SLC45A4: variants seen among roughly 807,000 people sequenced by gnomAD.
SLC45A4 encodes solute carrier family 45 member 4.
In SLC45A4, 32 loss-of-function variants were observed where a neutral mutation model predicts 63.7. The ratio of observed to expected loss-of-function variants is 0.50; its 90% CI spans 0.38 to 0.67. SLC45A4 has a LOEUF of 0.67. Among genes scored for constraint, SLC45A4 ranks in the 30% least tolerant of loss-of-function variants. The pLI, the probability that SLC45A4 is intolerant of heterozygous loss-of-function variation, is 0.00. For synonymous variants in SLC45A4, 535 were observed against 510.0 expected (o/e 1.05, Z -0.66); for missense variants, 1,027 against 1,157.7 (o/e 0.89, Z 1.64).
chr8:141,298,444 T>C (rs1830637175), intron 1 of SLC45A4, among the ~76,000 whole-genome samples: 2 of 152,138 alleles, frequency 1.3e-5, no homozygotes, highest in African/African-American at 4.8e-5. Context: ...CTGGGGACCA[T>C]CTCCAGAATG....
At chr8:141,303,550 G>T (rs1830813470) in intron 1 of SLC45A4, among the ~76,000 whole-genome samples, 2 of 152,024 alleles carry the variant, frequency 1.3e-5, no homozygotes, top group Non-Finnish European at 2.9e-5. Flanking sequence ...TATTCTAAGG[G>T]TTTGCTATGC....
chr8:141,266,883 G>A (rs554942420), intron 1 of SLC45A4, among the ~76,000 whole-genome samples: 3 of 152,298 alleles, frequency 2.0e-5, no homozygotes, highest in African/African-American at 4.8e-5. Context: ...ACAAATGTCC[G>A]CCATCACTCT....
chr8:141,224,121 A>C (rs1826833507), intron 2 of SLC45A4, among the ~76,000 whole-genome samples: 1 of 150,948 alleles, frequency 6.6e-6, no homozygotes, highest in African/African-American at 2.4e-5. Flanking sequence ...TGCTGCACAC[A>C]GAATTCTGGG....
rs188009496 is a variant in SLC45A4 at position 141,208,280 on chromosome 8, A to C, written c.*3292T>G. The C allele has an allele frequency of 6.6e-5, 10 of 152,334 alleles. No homozygotes were observed. The highest frequency in any genetic ancestry group is 6.5e-4 in the Admixed American group (10 of 15,298). 9.4% of individuals were successfully genotyped at this position (152,334 alleles called of 1,614,324 possible). On this transcript the variant is annotated 3_prime_UTR_variant, in exon 9 of 9. Coordinates refer to ENST00000517878, the MANE Select transcript of SLC45A4 (RefSeq NM_001286646.2). The stretch of plus-strand genomic sequence containing the variant: ...TAAGGGAACAGTTGGTATCTTTAAG[A>C]GTATTTTTCAAACATGTCACCCGAA...
rs192312277 is a variant in SLC45A4, at chr8:141,244,259, C to A, written c.241+9730G>T. 2.0e-3 allele frequency among the ~76,000 whole-genome samples: 302 copies of A among 152,314 alleles called. 3 individuals are homozygous for A. The highest frequency in any genetic ancestry group is 5.6e-3 in the African/African-American group (233 of 41,580). ...GAGGTTCCCCTGTGCCTCCTCCAAGCGAGCAGCTCCAGATGGAGTCCAGCC... is the reference window on the plus strand; with the variant it reads ...GAGGTTCCCCTGTGCCTCCTCCAAGAGAGCAGCTCCAGATGGAGTCCAGCC... On this transcript the variant is annotated intron_variant, in intron 2 of 8. Coordinates refer to ENST00000517878, the MANE Select transcript of SLC45A4 (RefSeq NM_001286646.2).
Position 141,278,760 on chromosome 8 carries a change from C to T in SLC45A4, c.-400-24131G>A, listed in dbSNP as rs1228601632. Among the ~76,000 whole-genome samples the T allele has an allele frequency of 1.3e-5, 2 of 152,270 alleles. No homozygotes were observed. The highest frequency in any genetic ancestry group is 4.8e-5 in the African/African-American group (2 of 41,480). On this transcript the variant is annotated intron_variant, in intron 1 of 8. Transcript: ENST00000517878. This position sits in a 1 kb window ranked among gnomAD's most constrained non-coding sequence, Gnocchi z 4.1. ...GCTCCTTGCTAACGTCTCAACAAGGCACAGACGCACCCGCAAGGGAGTGGG... is the reference window on the plus strand; with the variant it reads ...GCTCCTTGCTAACGTCTCAACAAGGTACAGACGCACCCGCAAGGGAGTGGG...
rs56366558 is a variant in SLC45A4 at position 141,239,574 on chromosome 8, G to GCA, written c.241+14413_241+14414dup. On this transcript the variant is annotated intron_variant, in intron 2 of 8. Coordinates refer to ENST00000517878, the MANE Select transcript of SLC45A4 (RefSeq NM_001286646.2). ...TACTCCAGGAGGGTGCAGGAGCAAA[G>GCA]CACACACACACACACACACACACAC... Among the ~76,000 whole-genome samples the GCA allele has an allele frequency of 8.3e-3, 1,197 of 144,462 alleles. 13 individuals are homozygous for GCA. Among genetic ancestry groups the GCA allele is most frequent in the African/African-American group, 0.026 (991 of 38,046 alleles). The allele number at this position is 144,462 out of a possible 152,430, so 94.8% of individuals were successfully genotyped here.
intron 2 of SLC45A4, among the ~76,000 whole-genome samples, chr8:141,235,026 G>C (rs1019624567): frequency 6.6e-6 from 1 of 152,220 alleles, no homozygotes; most frequent in Non-Finnish European, 1.5e-5. Flanking sequence ...TCTGCAAACC[G>C]AAACTGACTC....
chr8:141,262,759 G>T (rs1232881035), intron 1 of SLC45A4, among the ~76,000 whole-genome samples: 2 of 151,790 alleles, frequency 1.3e-5, no homozygotes, highest in Non-Finnish European at 2.9e-5. Flanking sequence ...CTTTTACACT[G>T]TTGGTGGGAC....
At position 141,229,094 on chromosome 8, in the gene SLC45A4, T is replaced by TC. The variant is rs1349629761; in HGVS notation, c.242-7330dup. ...TGCCTCTGCCTGAAGTACTTTACCT[T>TC]CCCCCCTTACCTGACATTCAATAAC... On this transcript the variant is annotated intron_variant, in intron 2 of 8. Coordinates refer to ENST00000517878, the MANE Select transcript of SLC45A4 (RefSeq NM_001286646.2). This position sits in a 1 kb window ranked among gnomAD's most constrained non-coding sequence, Gnocchi z 5.0. Among the ~76,000 whole-genome samples, 1 of 151,814 alleles carries TC rather than the reference T, an allele frequency of 6.6e-6. No homozygotes were observed. Among genetic ancestry groups the TC allele is most frequent in the Non-Finnish European group, 1.5e-5 (1 of 67,938 alleles).
chr8:141,207,949 A>G lies in SLC45A4; in HGVS notation c.*3623T>C, dbSNP rs1324662068. 6.6e-6 allele frequency: 1 copy of G among 152,368 alleles called. No individual in the cohort carries two copies. Among genetic ancestry groups the G allele is most frequent in the Non-Finnish European group, 1.5e-5 (1 of 68,118 alleles). 9.4% of individuals were successfully genotyped at this position (152,368 alleles called of 1,614,324 possible). ...AACCCCCCCAGGAGCTCTCGGAAGC[A>G]GGGGTCCCTCACGACAGGCCTGTGG... On this transcript the variant is annotated 3_prime_UTR_variant, in exon 9 of 9. Transcript: ENST00000517878.
At chr8:141,280,900 C>T (rs971793438) in intron 1 of SLC45A4, among the ~76,000 whole-genome samples, 12 of 152,228 alleles carry the variant, frequency 7.9e-5, no homozygotes, top group South Asian at 2.1e-4. Context: ...AAAAGGGCCT[C>T]GTGAGGTCTC....
In SLC45A4 at chr8:141,229,751, C is replaced by T. The variant is rs1051462729; in HGVS notation, c.242-7986G>A. Among the ~76,000 whole-genome samples, 2 of 152,178 alleles carry T rather than the reference C, an allele frequency of 1.3e-5. No homozygotes were observed. The highest frequency in any genetic ancestry group is 1.3e-4 in the Admixed American group (2 of 15,284). On this transcript the variant is annotated intron_variant, in intron 2 of 8. Transcript: ENST00000517878. This position sits in a 1 kb window ranked among gnomAD's most constrained non-coding sequence, Gnocchi z 5.0. ...CACCTCCCTCACAGCCAAAGCCTGG[C>T]CAACAGCAGGGGCCACAAGGCCTCC...
In SLC45A4 at chr8:141,237,776, G is replaced by A. The variant is rs142654511; in HGVS notation, c.242-16011C>T. On this transcript the variant is annotated intron_variant, in intron 2 of 8. Transcript: ENST00000517878. ...CACCGAACTGGGAGCGCCAGGTCAC[G>A]TGCTCGTATCTCCAAGTGAGCTGGA... 1.8e-3 allele frequency among the ~76,000 whole-genome samples: 280 copies of A among 152,256 alleles called. 4 individuals carry two copies. Among genetic ancestry groups the A allele is most frequent in the Non-Finnish European group, 3.2e-3 (217 of 68,030 alleles).
rs996494582 is a variant in SLC45A4 at position 141,254,205 on chromosome 8, C to G, written c.25G>C (p.Asp9His). MKMAPQNA[D>H]PESMQVQELS... ...TCTTGAACTTGCATAGATTCCGGGTCGGCATTCTGCGGAGCCATTTTCATT... is the reference window on the plus strand; with the variant it reads ...TCTTGAACTTGCATAGATTCCGGGTGGGCATTCTGCGGAGCCATTTTCATT... Residue 9 changes from aspartate (D) to histidine (H), a missense_variant, in exon 2 of 9, where the codon GAC (aspartate) becomes CAC (histidine). Physicochemically the swap from Asp to His is moderately conservative, Grantham distance 81. Coordinates refer to ENST00000517878, the MANE Select transcript of SLC45A4 (RefSeq NM_001286646.2). This position sits in a 1 kb window ranked among gnomAD's most constrained non-coding sequence, Gnocchi z 4.5. 5 of 1,534,446 alleles carry G rather than the reference C, an allele frequency of 3.3e-6. No individual in the cohort carries two copies. The highest frequency in any genetic ancestry group is 2.0e-5 in the Admixed American group (1 of 50,964).
rs141646851 is a variant in SLC45A4, at chr8:141,221,603, G to A, written c.404C>T (p.Ala135Val). The A allele has an allele frequency of 3.1e-6, 5 of 1,613,352 alleles. No homozygotes were observed. The African/African-American group carries it at 5.3e-5, about 17-fold the overall frequency. Reference protein sequence around the residue: ...ALCVGVLFGVALFLNGSAIGL... With the variant: ...ALCVGVLFGVVLFLNGSAIGL... ...GATGGCAGAGCCGTTAAGGAAAAGT[G>A]CAACGCCAAAGAGGACGCCAACGCA... The change falls in exon 3 of 9, where the codon GCA (alanine) becomes GTA (valine). Residue 135 changes from alanine to valine, a missense_variant. By Grantham distance (64) the Ala-to-Val change is moderately conservative. Transcript: ENST00000517878.
chr8:141,224,882 T>G (rs773700962), intron 2 of SLC45A4: 1 of 152,296 alleles, frequency 6.6e-6, no homozygotes, highest in African/African-American at 2.4e-5. Flanking sequence ...TTAATCTCTA[T>G]ATGATCATTT....
At chr8:141,235,404 C>T (rs1471982860) in intron 2 of SLC45A4, among the ~76,000 whole-genome samples, 4 of 152,168 alleles carry the variant, frequency 2.6e-5, no homozygotes, top group Admixed American at 2.6e-4. Flanking sequence ...AAATCATGCT[C>T]GGCTGTCATG....
chr8:141,293,627 C>T (rs1830435496), intron 1 of SLC45A4, among the ~76,000 whole-genome samples: 1 of 152,136 alleles, frequency 6.6e-6, no homozygotes, highest in South Asian at 2.1e-4. Flanking sequence ...TACAAAACTT[C>T]TCTGCAATCA....
Sources: allele counts gnomAD v4.1 joint callset (sites outside exome capture counted in the v4.1 genomes callset), GRCh38; gene constraint gnomAD v4.1.1; non-coding constraint Gnocchi (gnomAD v3.1); transcripts MANE v1.5; gene names NCBI Gene and HGNC (gene_info 2026-07-23, HGNC 2026-07-21).